IVD: variants seen among roughly 807,000 people sequenced by gnomAD.
IVD encodes the protein isovaleryl-CoA dehydrogenase.
A neutral mutation model predicts 51.3 loss-of-function variants in IVD; 31 were observed. The ratio of observed to expected loss-of-function variants is 0.60; its 90% CI spans 0.45 to 0.81. IVD has a LOEUF of 0.81. IVD is among the 40% of genes least tolerant of loss of function. IVD has a pLI of 0.00. For synonymous variants in IVD, 205 were observed against 219.4 expected (o/e 0.93, Z 0.58); for missense variants, 475 against 552.0 (o/e 0.86, Z 1.40).
chr15:40,431,316 T>C (rs1892961790), intron 7 of IVD, among the ~76,000 whole-genome samples: 1 of 151,998 alleles, frequency 6.6e-6, no homozygotes, highest in Non-Finnish European at 1.5e-5. Flanking sequence ...CCCTGGGAAG[T>C]TACCGAACCT....
chr15:40,425,615 G>A (rs376397785), downstream of IVD, among the ~76,000 whole-genome samples: 5 of 151,816 alleles, frequency 3.3e-5, no homozygotes, highest in South Asian at 8.3e-4. Context: ...CAACCTTTTG[G>A]GCTCAAGCCA....
At chr15:40,432,652 A>T (rs916018505) in intron 7 of IVD, among the ~76,000 whole-genome samples, 1 of 152,234 alleles carries the variant, frequency 6.6e-6, no homozygotes, top group African/African-American at 2.4e-5. Context: ...CCTGTAGGAG[A>T]TGGAACTACC....
At chr15:40,435,701 C>CA (rs762593705), downstream of IVD, 8 of 1,019,972 alleles carry the variant, frequency 7.8e-6, no homozygotes, top group Non-Finnish European at 9.4e-6. Context: ...TCTGCTGCCT[C>CA]ACCCCTATAC....
At chr15:40,412,290 A>T (rs536614383) in intron 6 of IVD, among the ~76,000 whole-genome samples, 1 of 152,360 alleles carries the variant, frequency 6.6e-6, no homozygotes, top group East Asian at 1.9e-4. Context: ...ATGGTGCAGG[A>T]ACCACTTGCC....
chr15:40,417,641 C>T (rs1891853310), intron 11 of IVD, among the ~76,000 whole-genome samples: 1 of 152,144 alleles, frequency 6.6e-6, no homozygotes, highest in Non-Finnish European at 1.5e-5. Context: ...CTTTGTGCAG[C>T]CTATCTATGC....
Position 40,419,790 on chromosome 15 carries a change from CAG to C in IVD, c.*1530_*1531del, listed in dbSNP as rs1892116342. 6.6e-6 allele frequency: 1 copy of C among 152,034 alleles called. No homozygotes were observed. Among genetic ancestry groups the C allele is most frequent in the Non-Finnish European group, 1.5e-5 (1 of 68,376 alleles). The allele number at this position is 152,034 out of a possible 1,614,324, so 9.4% of individuals were successfully genotyped here. A position where few individuals can be genotyped will look rare whatever the true frequency, so the allele number is the denominator to read the frequency against. ...CACCACTGCACTCCAGCTTGGACGACAGAGCGAGACTCTGTCTCAAAAAATAA... is the reference window on the plus strand; with the variant it reads ...CACCACTGCACTCCAGCTTGGACGACAGCGAGACTCTGTCTCAAAAAATAA... On this transcript the variant is annotated 3_prime_UTR_variant, in exon 12 of 12. Coordinates refer to ENST00000487418, the MANE Select transcript of IVD (RefSeq NM_002225.5).
downstream of IVD, chr15:40,424,429 C>T (rs994704841): frequency 7.4e-5 from 22 of 298,054 alleles, no homozygotes; most frequent in Non-Finnish European, 1.2e-4. Flanking sequence ...TCTAAAGCCT[C>T]AGGCCAGGGC....
intron 8 of IVD, chr15:40,433,949 G>A (rs1435964355): frequency 2.2e-6 from 1 of 456,406 alleles, no homozygotes; most frequent in South Asian, 1.5e-5. Flanking sequence ...ATGCAACAGG[G>A]CTCTCTGAGT....
chr15:40,407,565 T>C, intron 1 of IVD, 71 bp from the exon 2 acceptor site: 1 of 1,169,862 alleles, frequency 8.5e-7, no homozygotes, highest in Non-Finnish European at 1.3e-6. Flanking sequence ...ACTTGTGGCC[T>C]TTTCTCTTGA....
intron 11 of IVD, 140 bp from the exon 12 acceptor site, chr15:40,417,990 C>CGGCG: frequency 9.2e-7 from 1 of 1,090,790 alleles, no homozygotes; most frequent in Non-Finnish European, 1.3e-6. Flanking sequence ...TTCCCCACAC[C>CGGCG]CCTCCCTCTT....
rs138876234 is a variant in IVD, at chr15:40,420,358, G to C, written c.*2095G>C. The C allele has an allele frequency of 1.0e-6, 1 of 987,658 alleles. No individual in the cohort carries two copies. The highest frequency in any genetic ancestry group is 1.2e-6 in the Non-Finnish European group (1 of 830,120). 61.2% of individuals were successfully genotyped at this position (987,658 alleles called of 1,614,324 possible). A position where few individuals can be genotyped will look rare whatever the true frequency, so the allele number is the denominator to read the frequency against. On this transcript the variant is annotated 3_prime_UTR_variant, in exon 12 of 12. Transcript: ENST00000487418. Reference sequence around the variant, plus strand: ...CGCATGACTCCAGCTGAGGCTGCCTGTGTACATTTCTCCAGATACCCTATG... The same window carrying C: ...CGCATGACTCCAGCTGAGGCTGCCTCTGTACATTTCTCCAGATACCCTATG...
downstream of IVD, among the ~76,000 whole-genome samples, chr15:40,428,181 CAA>C (rs796217209): frequency 4.5e-4 from 33 of 73,512 alleles, no homozygotes; most frequent in Non-Finnish European, 4.4e-4. Context: ...GACTCCGTGT[CAA>C]AAAAAAAAAA....
rs752892990 is a variant in IVD at position 40,405,946 on chromosome 15, A to G, written c.119A>G (p.Asn40Ser). The G allele has an allele frequency of 8.7e-6, 14 of 1,612,464 alleles. No homozygotes were observed. The highest frequency in any genetic ancestry group is 1.1e-5 in the Non-Finnish European group (13 of 1,179,646). ...CTTTTGCCCGTGGACGATGCAATCA[A>G]TGGGCTAAGCGAGGAGCAGAGGCAG... ...HSLLPVDDAINGLSEEQRQLR... is the reference protein window; with the variant it reads ...HSLLPVDDAISGLSEEQRQLR... Residue 40 changes from asparagine to serine, a missense_variant, in exon 1 of 12, where the codon AAT becomes AGT. By Grantham distance (46) the Asn-to-Ser change is conservative (BLOSUM62 1). Transcript: ENST00000487418.
intron 7 of IVD, among the ~76,000 whole-genome samples, chr15:40,413,384 G>A (rs1413076625): frequency 1.3e-5 from 2 of 152,098 alleles, no homozygotes; most frequent in Admixed American, 6.5e-5. Flanking sequence ...CTGTACTTTC[G>A]CCCATCCACT....
In IVD at chr15:40,410,685, T is replaced by C; in HGVS notation, c.344T>C (p.Ile115Thr). The change falls in exon 4 of 12, where the codon ATA becomes ACA. Residue 115 changes from isoleucine (I) to threonine (T), a missense_variant. By Grantham distance (89) the Ile-to-Thr change is moderately conservative (BLOSUM62 -1). Coordinates refer to ENST00000487418, the MANE Select transcript of IVD (RefSeq NM_002225.5). Reference protein sequence around the residue: ...YLEHVLVMEEISRASGAVGLS... With the variant: ...YLEHVLVMEETSRASGAVGLS... ...GAGCATGTGCTGGTGATGGAGGAGA[T>C]ATCCCGAGCTTCCGGAGCAGTGGGG... The C allele has an allele frequency of 6.2e-7, 1 of 1,614,240 alleles. No homozygotes were observed. Among genetic ancestry groups the C allele is most frequent in the Non-Finnish European group, 8.5e-7 (1 of 1,180,034 alleles).
downstream of IVD, among the ~76,000 whole-genome samples, chr15:40,421,794 A>C (rs1425513272): frequency 6.6e-6 from 1 of 152,204 alleles, no homozygotes; most frequent in Non-Finnish European, 1.5e-5. Context: ...TGATCTTTGC[A>C]CAACCGAGTG....
rs951836929 is a variant in IVD, at chr15:40,420,432, T to G, written c.*2169T>G. The G allele has an allele frequency of 7.1e-6, 7 of 987,552 alleles. No homozygotes were observed. In the African/African-American group the frequency reaches 1.2e-4, roughly 17 times the overall value. 61.2% of individuals were successfully genotyped at this position (987,552 alleles called of 1,614,324 possible). A position where few individuals can be genotyped will look rare whatever the true frequency, so the allele number is the denominator to read the frequency against. ...GTGGCTGCTGCCATTTTGTATTAAATATATTGTGAAACAAACCTATCTGGG... is the reference window on the plus strand; with the variant it reads ...GTGGCTGCTGCCATTTTGTATTAAAGATATTGTGAAACAAACCTATCTGGG... On this transcript the variant is annotated 3_prime_UTR_variant, in exon 12 of 12. Transcript: ENST00000487418.
At chr15:40,425,059 A>T (rs1002891216), downstream of IVD, among the ~76,000 whole-genome samples, 6 of 152,150 alleles carry the variant, frequency 3.9e-5, no homozygotes, top group Non-Finnish European at 8.8e-5. Flanking sequence ...TCAGAGACAG[A>T]AGGAAGCTGT....
chr15:40,408,502 G>A (rs1450813956), intron 3 of IVD, among the ~76,000 whole-genome samples: 1 of 152,142 alleles, frequency 6.6e-6, no homozygotes, highest in African/African-American at 2.4e-5. Flanking sequence ...GGGCTGGGCA[G>A]GGGAGAGAGA....
Sources: allele counts gnomAD v4.1 joint callset (sites outside exome capture counted in the v4.1 genomes callset), GRCh38; gene constraint gnomAD v4.1.1; transcripts MANE v1.5; gene names NCBI Gene and HGNC (gene_info 2026-07-23, HGNC 2026-07-21).